Variants in CNTN1 observed in about 807,000 individuals in gnomAD.
CNTN1 encodes the protein contactin-1.
CNTN1 carries 38 observed loss-of-function variants against 126.4 expected under a neutral mutation model. That is an observed-to-expected ratio of 0.30 (90% CI 0.23 to 0.39). The LOEUF (loss-of-function observed/expected upper bound fraction) is 0.39, where lower values mean the gene tolerates loss of function less well. CNTN1 is among the 10% of genes least tolerant of loss of function. The probability of loss-of-function intolerance (pLI) is 1.00; values close to 1 mark genes in which losing one functional copy is unlikely to be tolerated. For missense variants in CNTN1, 1,009 were observed against 1,248.4 expected (o/e 0.81, Z 2.89); for synonymous variants, 413 against 422.6 (o/e 0.98, Z 0.28).
At chr12:40,701,044 C>T (rs1215008932) in intron 1 of CNTN1, among the ~76,000 whole-genome samples, 1 of 152,156 alleles carries the variant, frequency 6.6e-6, no homozygotes, top group Non-Finnish European at 1.5e-5. Flanking sequence ...TTTTTAATTG[C>T]TGTGTTATTC....
intron 1 of CNTN1, among the ~76,000 whole-genome samples, chr12:40,824,088 G>T (rs1039437278): frequency 6.6e-6 from 1 of 152,024 alleles, no homozygotes; most frequent in African/African-American, 2.4e-5. Context: ...CTCTCTTGGT[G>T]AAATCTTGAA....
At chr12:40,917,664 C>A (rs11179042) in intron 3 of CNTN1, among the ~76,000 whole-genome samples, 2 of 151,942 alleles carry the variant, frequency 1.3e-5, no homozygotes, top group Non-Finnish European at 2.9e-5. Flanking sequence ...TAAGAATATT[C>A]GTTCTTTCTA....
intron 1 of CNTN1, among the ~76,000 whole-genome samples, chr12:40,749,219 G>A (rs181136375): frequency 6.6e-6 from 1 of 152,014 alleles, no homozygotes; most frequent in African/African-American, 2.4e-5. Context: ...AAGATTTAAG[G>A]TTAATCATTA....
chr12:41,051,026 G>A (rs778578652), intron 23 of CNTN1, among the ~76,000 whole-genome samples: 10 of 152,138 alleles, frequency 6.6e-5, no homozygotes, highest in Non-Finnish European at 1.2e-4. Flanking sequence ...GCCCTATTGA[G>A]AATGCATGCT....
At chr12:40,735,340 C>T (rs1267343101) in intron 1 of CNTN1, among the ~76,000 whole-genome samples, 2 of 152,038 alleles carry the variant, frequency 1.3e-5, no homozygotes, top group Non-Finnish European at 2.9e-5. Context: ...ACATTTGGTA[C>T]ACACAAAGAA....
At position 41,070,647 on chromosome 12, in the gene CNTN1, C is replaced by T. The variant is rs1950140809; in HGVS notation, c.*612C>T. ...GACTATTGAAAACCAAATTCTAGAA[C>T]TTACTATCAGTATTCTTATTTTCAA... On this transcript the variant is annotated 3_prime_UTR_variant, in exon 24 of 24. Transcript: ENST00000551295. 1 of 152,264 alleles carries T rather than the reference C, an allele frequency of 6.6e-6. No individual in the cohort carries two copies. The highest frequency in any genetic ancestry group is 6.5e-5 in the Admixed American group (1 of 15,284). The allele number at this position is 152,264 out of a possible 1,614,324, so 9.4% of individuals were successfully genotyped here.
intron 17 of CNTN1, among the ~76,000 whole-genome samples, chr12:41,008,179 A>G (rs1445029176): frequency 3.3e-5 from 5 of 152,120 alleles, no homozygotes; most frequent in Non-Finnish European, 7.3e-5. Context: ...ATGTCCATGT[A>G]TGGTTCTGTC....
intron 1 of CNTN1, among the ~76,000 whole-genome samples, chr12:40,803,841 TA>T (rs2136488907): frequency 6.6e-6 from 1 of 151,302 alleles, no homozygotes; most frequent in East Asian, 1.9e-4. Context: ...AAGGAGAAGA[TA>T]GGGGAGATAA....
chr12:40,866,775 T>C (rs1214289475), intron 1 of CNTN1, among the ~76,000 whole-genome samples: 2 of 152,182 alleles, frequency 1.3e-5, no homozygotes, highest in East Asian at 1.9e-4. Flanking sequence ...TTTTTATATA[T>C]TTTACATTGA....
intron 1 of CNTN1, among the ~76,000 whole-genome samples, chr12:40,817,025 T>C (rs36113735): frequency 0.033 from 5,089 of 152,316 alleles, 119 homozygotes; most frequent in Middle Eastern, 0.11. Flanking sequence ...TTCGTTATGA[T>C]TTCCATTATT....
intron 6 of CNTN1, among the ~76,000 whole-genome samples, chr12:40,925,931 A>G (rs1441348239): frequency 6.7e-6 from 1 of 149,426 alleles, no homozygotes; most frequent in African/African-American, 2.5e-5. Context: ...AATGACCAAA[A>G]CTATCCAGTG....
At chr12:40,754,557 G>C (rs894547078) in intron 1 of CNTN1, among the ~76,000 whole-genome samples, 1 of 151,650 alleles carries the variant, frequency 6.6e-6, no homozygotes, top group Non-Finnish European at 1.5e-5. Context: ...TGTGGATGTG[G>C]AAAGCGCATA....
intron 1 of CNTN1, among the ~76,000 whole-genome samples, chr12:40,893,250 A>C (rs917764186): frequency 1.3e-5 from 2 of 152,062 alleles, no homozygotes; most frequent in Admixed American, 6.5e-5. Context: ...TTAAAATGTC[A>C]ATGATAGTTT....
At chr12:40,735,657 G>T (rs894378311) in intron 1 of CNTN1, among the ~76,000 whole-genome samples, 3 of 151,992 alleles carry the variant, frequency 2.0e-5, no homozygotes, top group Admixed American at 2.0e-4. Context: ...CAAAAATAGG[G>T]ATATCTATAA....
In CNTN1 at chr12:41,049,869, G is replaced by A. The variant is rs149267322; in HGVS notation, c.2981-20090G>A. On this transcript the variant is annotated intron_variant, in intron 23 of 23. Transcript: ENST00000551295. ...TGTTTATTTTATTTCCCAATGTCCT[G>A]CAAAATTTGATTTAACTAATTAAGA... Among the ~76,000 whole-genome samples, 604 of 152,274 alleles carry A rather than the reference G, an allele frequency of 4.0e-3. 7 individuals carry two copies. The highest frequency in any genetic ancestry group is 0.014 in the African/African-American group (580 of 41,562).
intron 19 of CNTN1, among the ~76,000 whole-genome samples, chr12:41,019,852 T>G (rs975707765): frequency 7.9e-5 from 12 of 152,124 alleles, no homozygotes; most frequent in Non-Finnish European, 1.5e-5. Flanking sequence ...AAATAGCAAA[T>G]AAGAGAAAAT....
At chr12:40,722,421 C>T (rs924863256) in intron 1 of CNTN1, among the ~76,000 whole-genome samples, 9 of 152,092 alleles carry the variant, frequency 5.9e-5, no homozygotes, top group African/African-American at 1.9e-4. Flanking sequence ...ATAAAAAATA[C>T]CTAGGTCCAA....
At chr12:40,823,633 G>A (rs73118713) in intron 1 of CNTN1, among the ~76,000 whole-genome samples, 3,419 of 152,124 alleles carry the variant, frequency 0.022, 127 homozygotes, top group African/African-American at 0.078. Context: ...GAAGTCTTTT[G>A]TATATGTTTA....
intron 1 of CNTN1, 62 bp from the exon 2 acceptor site, chr12:40,908,287 TCCTCTCCC>T: frequency 1.6e-6 from 1 of 609,570 alleles, no homozygotes; most frequent in Non-Finnish European, 2.9e-6. Flanking sequence ...TCTCCTCTCC[TCCTCTCCC>T]CTTCCTTCCC....
Sources: allele counts gnomAD v4.1 joint callset (sites outside exome capture counted in the v4.1 genomes callset), GRCh38; gene constraint gnomAD v4.1.1; transcripts MANE v1.5; gene names NCBI Gene and HGNC (gene_info 2026-07-23, HGNC 2026-07-21).